Variants in NBPF12 observed in about 807,000 individuals in gnomAD.
NBPF12 encodes NBPF family member NBPF12.
NBPF12 carries 115 observed loss-of-function variants against 146.4 expected under a neutral mutation model. The ratio of observed to expected loss-of-function variants is 0.79; its 90% CI spans 0.68 to 0.92. The LOEUF is 0.92. NBPF12 is among the 40% of genes least tolerant of loss of function. NBPF12 has a pLI of 0.00. For missense variants in NBPF12, 1,205 were observed against 1,326.8 expected (o/e 0.91, Z 1.43); for synonymous variants, 385 against 508.9 (o/e 0.76, Z 3.28).
At position 146,970,727 on chromosome 1, in the gene NBPF12, T is replaced by C; in HGVS notation, c.1379+8T>C. The C allele has an allele frequency of 7.4e-7, 1 of 1,349,506 alleles. No individual in the cohort carries two copies. The highest frequency in any genetic ancestry group is 1.1e-6 in the Non-Finnish European group (1 of 941,452). The allele number at this position is 1,349,506 out of a possible 1,614,324, so 83.6% of individuals were successfully genotyped here. A position where few individuals can be genotyped will look rare whatever the true frequency, so the allele number is the denominator to read the frequency against. On this transcript the variant is annotated splice_region_variant and intron_variant, in intron 12 of 33. Transcript: ENST00000617844. ...GGAATCATCTTCCCCCAGGTGACAC[T>C]GAATACTCAGGAGCAAGTAATGGGT...
intron 5 of NBPF12, 141 bp downstream of exon 8, chr1:146,962,404 T>C: frequency 1.4e-6 from 1 of 699,446 alleles, no homozygotes; most frequent in East Asian, 2.5e-5. Flanking sequence ...CACACAAATA[T>C]TTATCAGAGA....
In NBPF12 at chr1:146,989,334, C is replaced by CTCTCTG. The variant is rs1284756709; in HGVS notation, c.3399-204_3399-199dup. Among the ~76,000 whole-genome samples the CTCTCTG allele has an allele frequency of 2.9e-3, 407 of 140,796 alleles. 1 individual carries two copies. Among genetic ancestry groups the CTCTCTG allele is most frequent in the Non-Finnish European group, 4.2e-3 (266 of 63,496 alleles). 92.4% of individuals were successfully genotyped at this position (140,796 alleles called of 152,430 possible). ...CCTGGCCAATTCACTAGCTCACTTT[C>CTCTCTG]TCTCTGTCTCTGTCTCTGTCTCTGT... On this transcript the variant is annotated intron_variant, in intron 27 of 33. Coordinates refer to ENST00000617844, the Ensembl canonical transcript of NBPF12.
upstream of NBPF12, among the ~76,000 whole-genome samples, chr1:146,938,500 G>T (rs1212059084): frequency 1.2e-4 from 18 of 152,136 alleles, no homozygotes; most frequent in African/African-American, 4.3e-4. Flanking sequence ...AAGAGAGGCG[G>T]AGGGGAGAGA....
At chr1:146,994,128 GTCTCTCTCTC>G (rs1194794987) in intron 33 of NBPF12, among the ~76,000 whole-genome samples, 194 bp from the exon 37 acceptor site, 1 of 103,998 alleles carries the variant, frequency 9.6e-6, no homozygotes, top group East Asian at 2.9e-4. Context: ...CTCTGTCTCT[GTCTCTCTCTC>G]TCTGTCTTTC....
intron 8 of NBPF12, among the ~76,000 whole-genome samples, chr1:146,966,153 A>C (rs1656193193): frequency 6.6e-6 from 1 of 151,954 alleles, no homozygotes; most frequent in African/African-American, 2.4e-5. Flanking sequence ...AAAAAGCAAA[A>C]TGAAATCTTT....
chr1:146,964,028 C>T (rs1656029947), intron 6 of NBPF12, among the ~76,000 whole-genome samples: 2 of 129,612 alleles, frequency 1.5e-5, no homozygotes, highest in South Asian at 6.3e-4. Context: ...GACAGGACAC[C>T]AAGCCTGTTC....
chr1:146,994,635 G>T (rs1407060939), exon 34 of NBPF12: 3 of 1,585,162 alleles, frequency 1.9e-6, no homozygotes, highest in African/African-American at 2.8e-5. Flanking sequence ...GGCACCTGAA[G>T]ATTTGAATGA....
At position 146,994,650 on chromosome 1, in the gene NBPF12, A is replaced by T. The variant is rs1241445760; in HGVS notation, c.*75A>T. ...GGCACCTGAAGATTTGAATGAAACT[A>T]TAGTTCCATTTGGAAGCCCAGACAT... On this transcript the variant is annotated 3_prime_UTR_variant, in exon 34 of 34. Coordinates refer to ENST00000617844, the Ensembl canonical transcript of NBPF12. 6.3e-6 allele frequency: 10 copies of T among 1,577,620 alleles called. No individual in the cohort carries two copies. The South Asian group carries it at 6.8e-5, about 11-fold the overall frequency.
chr1:146,990,841 G>C lies in NBPF12; in HGVS notation c.3624-272G>C, dbSNP rs1373720428. ...TGTGTCCCGAGGGCACTAAATCAGA[G>C]TGTCCTTTGAACCCTTCATCAGTGT... On this transcript the variant is annotated intron_variant, in intron 29 of 33. Transcript: ENST00000617844. Among the ~76,000 whole-genome samples, 11 of 84,892 alleles carry C rather than the reference G, an allele frequency of 1.3e-4. 1 individual carries two copies. Among genetic ancestry groups the C allele is most frequent in the African/African-American group, 5.7e-4 (10 of 17,406 alleles). The allele number at this position is 84,892 out of a possible 152,430, so 55.7% of individuals were successfully genotyped here. A position where few individuals can be genotyped will look rare whatever the true frequency, so the allele number is the denominator to read the frequency against.
chr1:146,956,382 C>G (rs1655588681), intron 2 of NBPF12, among the ~76,000 whole-genome samples: 4 of 152,002 alleles, frequency 2.6e-5, no homozygotes, highest in Non-Finnish European at 2.9e-5. Flanking sequence ...GTACAAGAAA[C>G]TTTGGGGCAT....
At chr1:146,965,028 C>G (rs1553885424) in exon 8 of NBPF12, 1 of 1,608,636 alleles carries the variant, frequency 6.2e-7, no homozygotes, top group East Asian at 2.2e-5. Context: ...TTGAGGAAGA[C>G]AAAGTCAACT....
intron 14 of NBPF12, among the ~76,000 whole-genome samples, chr1:146,974,337 C>G (rs1237226631): frequency 7.1e-6 from 1 of 141,438 alleles, no homozygotes; most frequent in Non-Finnish European, 1.5e-5. Flanking sequence ...GGGAAACCAT[C>G]AGTCCCATAG....
rs1165119066 is a variant in NBPF12, at chr1:146,975,511, A to G, written c.1905-166A>G. ...TCTCTGATACAGAGGAAGCCTGTAA[A>G]CCATTTTCTATTCTTTCTCTTGGCC... On this transcript the variant is annotated intron_variant, in intron 15 of 33. Transcript: ENST00000617844. 8.8e-5 allele frequency among the ~76,000 whole-genome samples: 13 copies of G among 147,710 alleles called. No individual in the cohort carries two copies. In the South Asian group the frequency reaches 1.5e-3, roughly 17 times the overall value.
rs1248515826 is a variant in NBPF12 at position 146,962,293 on chromosome 1, G to A, written c.278+30G>A. 3.2e-3 allele frequency: 5,020 copies of A among 1,565,830 alleles called. 189 individuals are homozygous for A. In the African/African-American group the frequency reaches 0.059, roughly 19 times the overall value. On this transcript the variant is annotated intron_variant, in intron 5 of 33. Coordinates refer to ENST00000617844, the Ensembl canonical transcript of NBPF12. ...GGGGACCCCATGGGGGGAGGCAGGC[G>A]GGTAGGTGTGTAGATCTCTGAAGTA...
upstream of NBPF12, among the ~76,000 whole-genome samples, chr1:146,947,052 C>G (rs1224526727): frequency 5.3e-4 from 80 of 151,940 alleles, no homozygotes; most frequent in African/African-American, 1.5e-3. Context: ...TTTCTCTTTT[C>G]ACCAACTTCA....
At chr1:146,941,265 A>G (rs1483941197) in intron 1 of NBPF12, among the ~76,000 whole-genome samples, 2 of 151,446 alleles carry the variant, frequency 1.3e-5, no homozygotes, top group African/African-American at 2.4e-5. Flanking sequence ...TTGTATTTTT[A>G]CTAGACATGG....
In NBPF12 at chr1:146,964,345, T is replaced by C. The variant is rs1656054890; in HGVS notation, c.494-12T>C. On this transcript the variant is annotated splice_polypyrimidine_tract_variant and intron_variant, in intron 6 of 33. Transcript: ENST00000617844. ...AGTGGGACATATCTGAATGAACATT[T>C]TGTATTTATAGAAAATGATGAAGAT... is the stretch of plus-strand genomic sequence containing the variant. 2 of 1,602,758 alleles carry C rather than the reference T, an allele frequency of 1.2e-6. No individual in the cohort carries two copies. The highest frequency in any genetic ancestry group is 2.7e-5 in the African/African-American group (2 of 74,302).
chr1:146,954,520 G>A (rs1553884179), intron 2 of NBPF12, among the ~76,000 whole-genome samples: 2 of 149,526 alleles, frequency 1.3e-5, no homozygotes, highest in East Asian at 4.0e-4. Context: ...CCTTGTCATG[G>A]ATCAGAAGAG....
intron 19 of NBPF12, among the ~76,000 whole-genome samples, chr1:146,982,345 G>T (rs1257108469): frequency 1.3e-5 from 2 of 149,168 alleles, no homozygotes; most frequent in Admixed American, 6.7e-5. Context: ...TTTGCTGGAA[G>T]TCCACTCCAG....
Sources: gnomAD v4.1 joint callset for allele counts (sites outside exome capture counted in the v4.1 genomes callset) on GRCh38, gnomAD v4.1.1 for gene constraint, MANE v1.5 for transcripts, NCBI Gene and HGNC (gene_info 2026-07-23, HGNC 2026-07-21) for gene names.